DOCK1: variants seen among roughly 807,000 people sequenced by gnomAD.
DOCK1 encodes the protein dedicator of cytokinesis protein 1.
DOCK1 carries 138 observed loss-of-function variants against 262.7 expected under a neutral mutation model. The observed-to-expected ratio is 0.53, with a 90% CI of 0.46 to 0.61. The LOEUF is 0.61. Ranked by LOEUF, DOCK1 falls within the 20% of genes least tolerant of loss-of-function variation. DOCK1 has a pLI of 0.00. For synonymous variants in DOCK1, 866 were observed against 867.4 expected, an observed-to-expected ratio of 1.00 and a Z score of 0.03; for missense variants, 1,908 against 2,370.7, an observed-to-expected ratio of 0.80 and a Z score of 4.05.
At chr10:127,269,871 G>A (rs1390783177) in intron 29 of DOCK1, among the ~76,000 whole-genome samples, 1 of 152,236 alleles carries the variant, frequency 6.6e-6, no homozygotes, top group African/African-American at 2.4e-5. Flanking sequence ...TCCTTGGGAA[G>A]CCCCGTTGGC....
chr10:127,444,619 T>G (rs1443772325), intron 50 of DOCK1, among the ~76,000 whole-genome samples: 1 of 152,126 alleles, frequency 6.6e-6, no homozygotes, highest in Non-Finnish European at 1.5e-5. Context: ...CCTGCTTGTG[T>G]CTAGGACTGT....
intron 29 of DOCK1, among the ~76,000 whole-genome samples, chr10:127,329,191 T>C (rs1350615625): frequency 6.6e-6 from 1 of 152,090 alleles, no homozygotes; most frequent in Non-Finnish European, 1.5e-5. Flanking sequence ...CACACATTCC[T>C]ACACCCCGGC....
intron 29 of DOCK1, among the ~76,000 whole-genome samples, chr10:127,320,509 A>G (rs1430928470): frequency 9.2e-5 from 14 of 152,194 alleles, no homozygotes. Flanking sequence ...GAGCCCGGAA[A>G]GAGGTCAGAG....
chr10:127,075,169 C>CAAAAAAAA lies in DOCK1; in HGVS notation c.2445+13416_2445+13423dup, dbSNP rs71032536. Among the ~76,000 whole-genome samples the CAAAAAAAA allele has an allele frequency of 1.0e-3, 65 of 64,322 alleles. 4 individuals are homozygous for CAAAAAAAA. The highest frequency in any genetic ancestry group is 4.1e-3 in the African/African-American group (59 of 14,218). The allele number at this position is 64,322 out of a possible 152,430, so 42.2% of individuals were successfully genotyped here. A position where few individuals can be genotyped will look rare whatever the true frequency, so the allele number is the denominator to read the frequency against. On this transcript the variant is annotated intron_variant, in intron 23 of 51. Coordinates refer to ENST00000623213, the MANE Select transcript of DOCK1 (RefSeq NM_001290223.2). ...GGGCAACAAGAGCGAAACTCTGTCT[C>CAAAAAAAA]AAAAAAAAAAAAAAAAAAAAAAAAA...
At chr10:127,035,225 C>T (rs1168166086) in intron 18 of DOCK1, among the ~76,000 whole-genome samples, 3 of 152,250 alleles carry the variant, frequency 2.0e-5, no homozygotes, top group East Asian at 1.9e-4. Context: ...TTTGTTCCTG[C>T]GAAGTTCCAT....
At chr10:126,950,338 C>T (rs2036100064) in intron 1 of DOCK1, among the ~76,000 whole-genome samples, 1 of 152,010 alleles carries the variant, frequency 6.6e-6, no homozygotes, top group African/African-American at 2.4e-5. Flanking sequence ...GTTTGTTGGT[C>T]TGGATTGACT....
chr10:127,072,337 G>T (rs1002371861), intron 23 of DOCK1, among the ~76,000 whole-genome samples: 1 of 152,218 alleles, frequency 6.6e-6, no homozygotes, highest in Non-Finnish European at 1.5e-5. Flanking sequence ...GATACGCTCT[G>T]TATTCTCATG....
At chr10:127,429,405 T>C (rs931386950) in intron 47 of DOCK1, among the ~76,000 whole-genome samples, 7 of 152,238 alleles carry the variant, frequency 4.6e-5, no homozygotes, top group Admixed American at 3.9e-4. Context: ...AAACGCAGTC[T>C]GGGATGTGCC....
At chr10:127,361,857 C>T (rs2064471562) in intron 32 of DOCK1, among the ~76,000 whole-genome samples, 1 of 152,156 alleles carries the variant, frequency 6.6e-6, no homozygotes, top group Admixed American at 6.5e-5. Flanking sequence ...AAGAGCTTCA[C>T]TTATAACATG....
chr10:126,981,007 G>A (rs2038930514), intron 3 of DOCK1, among the ~76,000 whole-genome samples: 1 of 151,238 alleles, frequency 6.6e-6, no homozygotes, highest in Admixed American at 6.6e-5. Flanking sequence ...GAGCGCAGTG[G>A]CGGGATCTCT....
intron 27 of DOCK1, among the ~76,000 whole-genome samples, chr10:127,174,720 T>C (rs2054916773): frequency 6.6e-6 from 1 of 152,222 alleles, no homozygotes; most frequent in South Asian, 2.1e-4. Context: ...TGTACAGTCC[T>C]GAATACCAAT....
intron 27 of DOCK1, among the ~76,000 whole-genome samples, chr10:127,200,206 A>G (rs1286929128): frequency 6.6e-6 from 1 of 152,144 alleles, no homozygotes; most frequent in African/African-American, 2.4e-5. Context: ...CACTGTGCAA[A>G]GTGAAAACAA....
intron 28 of DOCK1, among the ~76,000 whole-genome samples, chr10:127,250,874 T>A (rs982253374): frequency 2.0e-5 from 3 of 151,052 alleles, no homozygotes; most frequent in Non-Finnish European, 4.4e-5. Context: ...GTATGTGAAC[T>A]TTTTTACTGT....
intron 1 of DOCK1, among the ~76,000 whole-genome samples, chr10:126,945,430 G>A (rs936691674): frequency 4.9e-4 from 75 of 151,984 alleles, no homozygotes; most frequent in Admixed American, 5.2e-4. Context: ...CGGAGAGGGG[G>A]AGAGGGAAAG....
chr10:127,232,400 G>T (rs1186475005), intron 27 of DOCK1, among the ~76,000 whole-genome samples: 1 of 152,114 alleles, frequency 6.6e-6, no homozygotes, highest in African/African-American at 2.4e-5. Context: ...GGATACTGTG[G>T]CTGGAGCAAT....
At chr10:127,321,138 A>G (rs1389634735) in intron 29 of DOCK1, among the ~76,000 whole-genome samples, 1 of 151,896 alleles carries the variant, frequency 6.6e-6, no homozygotes. Flanking sequence ...AGTAGCTTCC[A>G]TGACCCCGCG....
chr10:127,086,378 CA>C (rs373217093), intron 23 of DOCK1, among the ~76,000 whole-genome samples: 1 of 152,080 alleles, frequency 6.6e-6, no homozygotes, highest in African/African-American at 2.4e-5. Context: ...ATCTGAAATG[CA>C]AAAACACATT....
chr10:126,991,659 A>G (rs2039796116), intron 6 of DOCK1, among the ~76,000 whole-genome samples: 1 of 151,982 alleles, frequency 6.6e-6, no homozygotes, highest in Non-Finnish European at 1.5e-5. Flanking sequence ...CCTCCCGAAT[A>G]GCTGGGATTA....
intron 27 of DOCK1, among the ~76,000 whole-genome samples, chr10:127,181,485 C>A (rs1467910125): frequency 1.3e-5 from 2 of 152,138 alleles, no homozygotes; most frequent in Non-Finnish European, 2.9e-5. Flanking sequence ...GACCGAGACA[C>A]CTCCCAGGGC....
Sources: gnomAD v4.1 joint callset for allele counts (sites outside exome capture counted in the v4.1 genomes callset) on GRCh38, gnomAD v4.1.1 for gene constraint, MANE v1.5 for transcripts, NCBI Gene and HGNC (gene_info 2026-07-23, HGNC 2026-07-21) for gene names.